Variants in SMAP1 observed in about 807,000 individuals in gnomAD.
SMAP1 encodes stromal membrane-associated protein 1.
Under a neutral mutation model 58.5 loss-of-function variants are expected in SMAP1, and 24 were observed. That is an observed-to-expected ratio of 0.41 (90% CI 0.30 to 0.58). The LOEUF (loss-of-function observed/expected upper bound fraction) is 0.58, where lower values mean the gene tolerates loss of function less well. SMAP1 is among the 20% of genes least tolerant of loss of function. The pLI is 0.29. For synonymous variants in SMAP1, 216 were observed against 196.6 expected, an observed-to-expected ratio of 1.10 and a Z score of -0.82; for missense variants, 563 against 566.3, an observed-to-expected ratio of 0.99 and a Z score of 0.06.
rs118046873 is a variant in SMAP1 at position 70,723,285 on chromosome 6, C to T, written c.119-9093C>T. On this transcript the variant is annotated intron_variant, in intron 1 of 10. Coordinates refer to ENST00000370455, the MANE Select transcript of SMAP1 (RefSeq NM_001044305.3). ...GGGACTATAGGCACATGCCATTGCACCAGGCTTTCCTTGGTATTTCTTAAA... is the reference window on the plus strand; with the variant it reads ...GGGACTATAGGCACATGCCATTGCATCAGGCTTTCCTTGGTATTTCTTAAA... Among the ~76,000 whole-genome samples, 12 of 152,278 alleles carry T rather than the reference C, an allele frequency of 7.9e-5. No homozygotes were observed. The East Asian group carries it at 2.3e-3, about 29-fold the overall frequency.
intron 1 of SMAP1, among the ~76,000 whole-genome samples, chr6:70,711,227 A>G (rs1460388800): frequency 6.6e-6 from 1 of 152,220 alleles, no homozygotes; most frequent in East Asian, 1.9e-4. Context: ...GCAGTGCAAT[A>G]GGTTTATTTA....
rs1190132005 is a variant in SMAP1 at position 70,834,417 on chromosome 6, G to T, written c.577-2524G>T. Among the ~76,000 whole-genome samples, 4 of 148,146 alleles carry T rather than the reference G, an allele frequency of 2.7e-5. No homozygotes were observed. In the South Asian group the frequency reaches 8.6e-4, roughly 32 times the overall value. ...CTAAATTTGGAGTGGCAGAAAATAAGAATTTTAGTTCCTGTATTCCTATTT... is the reference window on the plus strand; with the variant it reads ...CTAAATTTGGAGTGGCAGAAAATAATAATTTTAGTTCCTGTATTCCTATTT... On this transcript the variant is annotated intron_variant, in intron 6 of 10. Coordinates refer to ENST00000370455, the MANE Select transcript of SMAP1 (RefSeq NM_001044305.3).
At chr6:70,781,389 G>A (rs185846731) in intron 4 of SMAP1, among the ~76,000 whole-genome samples, 23 of 152,052 alleles carry the variant, frequency 1.5e-4, no homozygotes, top group African/African-American at 4.3e-4. Flanking sequence ...AAATGTTTAC[G>A]TTTTCAGCTT....
At chr6:70,794,761 A>G (rs1248788963) in intron 5 of SMAP1, among the ~76,000 whole-genome samples, 1 of 148,098 alleles carries the variant, frequency 6.8e-6, no homozygotes, top group East Asian at 2.0e-4. Flanking sequence ...ATAGTATTCC[A>G]TGGTGTATTG....
intron 1 of SMAP1, among the ~76,000 whole-genome samples, chr6:70,683,486 C>T (rs182114206): frequency 1.3e-5 from 2 of 152,114 alleles, no homozygotes; most frequent in Non-Finnish European, 2.9e-5. Flanking sequence ...TTTTAATGTG[C>T]TCATTGGTCA....
At chr6:70,727,529 A>C (rs1765233070) in intron 1 of SMAP1, among the ~76,000 whole-genome samples, 1 of 152,140 alleles carries the variant, frequency 6.6e-6, no homozygotes, top group Non-Finnish European at 1.5e-5. Flanking sequence ...TATAACCATT[A>C]TATGATTATT....
At chr6:70,681,226 C>T (rs1766697976) in intron 1 of SMAP1, among the ~76,000 whole-genome samples, 2 of 151,978 alleles carry the variant, frequency 1.3e-5, no homozygotes, top group East Asian at 3.9e-4. Flanking sequence ...CAAGGCCAGC[C>T]TTGGCAAAAT....
At chr6:70,764,444 C>T (rs1766876979) in intron 3 of SMAP1, among the ~76,000 whole-genome samples, 1 of 152,152 alleles carries the variant, frequency 6.6e-6, no homozygotes, top group South Asian at 2.1e-4. Context: ...GGCTGACTTT[C>T]TTGTTAGGAA....
intron 1 of SMAP1, among the ~76,000 whole-genome samples, chr6:70,723,217 C>T (rs1287079742): frequency 2.6e-5 from 4 of 152,054 alleles, no homozygotes; most frequent in Non-Finnish European, 4.4e-5. Flanking sequence ...GCCTTGAATT[C>T]CTGGGCTCAA....
At chr6:70,860,048 G>GTTCCCTT in intron 10 of SMAP1, 152 bp from the exon 11 acceptor site, 1 of 783,192 alleles carries the variant, frequency 1.3e-6, no homozygotes, top group Non-Finnish European at 1.9e-6. Context: ...GTAGCTATTT[G>GTTCCCTT]CTTTAAGAAA....
intron 1 of SMAP1, among the ~76,000 whole-genome samples, chr6:70,716,383 A>G (rs1768270753): frequency 6.6e-6 from 1 of 152,072 alleles, no homozygotes; most frequent in Admixed American, 6.5e-5. Context: ...TTGTGCTTTT[A>G]TGAGAATCTG....
At chr6:70,697,588 GAGCC>G (rs1354161028) in intron 1 of SMAP1, among the ~76,000 whole-genome samples, 1 of 152,144 alleles carries the variant, frequency 6.6e-6, no homozygotes, top group Non-Finnish European at 1.5e-5. Context: ...TTACAGGCGT[GAGCC>G]ACCACGCCTG....
At chr6:70,799,184 A>C (rs1163893702) in intron 6 of SMAP1, among the ~76,000 whole-genome samples, 1 of 152,186 alleles carries the variant, frequency 6.6e-6, no homozygotes, top group Non-Finnish European at 1.5e-5. Flanking sequence ...AGAATGTATG[A>C]AAATTGTAAA....
intron 6 of SMAP1, among the ~76,000 whole-genome samples, chr6:70,798,947 C>G (rs1768728598): frequency 6.6e-6 from 1 of 152,030 alleles, no homozygotes. Flanking sequence ...TATAAACCCT[C>G]TGAGTTCCTT....
chr6:70,757,475 C>T lies in SMAP1; in HGVS notation c.338+2410C>T, dbSNP rs1422969838. Among the ~76,000 whole-genome samples the T allele has an allele frequency of 3.0e-4, 46 of 151,876 alleles. No individual in the cohort carries two copies. The East Asian group carries it at 7.0e-3, about 23-fold the overall frequency. ...TAGGCATGGGCAAGGACTTCATGTC[C>T]AAAACACCAACAGCAATGGCAACAA... On this transcript the variant is annotated intron_variant, in intron 3 of 10. Transcript: ENST00000370455.
chr6:70,819,412 A>G (rs970142910), intron 6 of SMAP1, among the ~76,000 whole-genome samples: 3 of 151,930 alleles, frequency 2.0e-5, no homozygotes, highest in Non-Finnish European at 4.4e-5. Flanking sequence ...TACAAGATGG[A>G]TAAGTTCTAT....
At chr6:70,780,119 C>G (rs1051374921) in intron 4 of SMAP1, among the ~76,000 whole-genome samples, 4 of 152,142 alleles carry the variant, frequency 2.6e-5, no homozygotes, top group African/African-American at 9.7e-5. Context: ...ACAGTCCTGC[C>G]CACAATCTCA....
At chr6:70,766,620 G>A (rs1582140962) in intron 3 of SMAP1, among the ~76,000 whole-genome samples, 1 of 151,986 alleles carries the variant, frequency 6.6e-6, no homozygotes, top group Non-Finnish European at 1.5e-5. Flanking sequence ...AAATTTGTTT[G>A]AGTTCATTGT....
chr6:70,788,044 C>T (rs1167634812), intron 4 of SMAP1, among the ~76,000 whole-genome samples: 1 of 151,996 alleles, frequency 6.6e-6, no homozygotes, highest in African/African-American at 2.4e-5. Flanking sequence ...AGACTTGGAA[C>T]CAACCCAAAT....
Sources: gnomAD v4.1 joint callset for allele counts (sites outside exome capture counted in the v4.1 genomes callset) on GRCh38, gnomAD v4.1.1 for gene constraint, MANE v1.5 for transcripts, NCBI Gene and HGNC (gene_info 2026-07-23, HGNC 2026-07-21) for gene names.